ICOS: variants seen among roughly 807,000 people sequenced by gnomAD.
The protein encoded by ICOS is inducible T-cell costimulator.
In ICOS, 15 loss-of-function variants were observed where a neutral mutation model predicts 24.6. The ratio of observed to expected loss-of-function variants is 0.61; its 90% CI spans 0.41 to 0.94. The LOEUF (loss-of-function observed/expected upper bound fraction) is 0.94, where lower values mean the gene tolerates loss of function less well. Ranked by LOEUF, ICOS falls within the 40% of genes least tolerant of loss-of-function variation. The pLI is 0.00. For synonymous variants in ICOS, 89 were observed against 77.5 expected, an observed-to-expected ratio of 1.15 and a Z score of -0.78; for missense variants, 200 against 233.0, an observed-to-expected ratio of 0.86 and a Z score of 0.92.
chr2:203,949,714 G>A (rs1325281757), intron 1 of ICOS, among the ~76,000 whole-genome samples: 1 of 152,162 alleles, frequency 6.6e-6, no homozygotes, highest in Admixed American at 6.5e-5. Context: ...TGAGAAAAAG[G>A]AAGAAAGAAC....
chr2:203,961,539 A>G lies in ICOS; in HGVS notation c.*1940A>G, dbSNP rs1690178826. 3 of 152,284 alleles carry G rather than the reference A, an allele frequency of 2.0e-5. No homozygotes were observed. Among genetic ancestry groups the G allele is most frequent in the Admixed American group, 1.3e-4 (2 of 15,260 alleles). The allele number at this position is 152,284 out of a possible 1,614,324, so 9.4% of individuals were successfully genotyped here. A position where few individuals can be genotyped will look rare whatever the true frequency, so the allele number is the denominator to read the frequency against. On this transcript the variant is annotated 3_prime_UTR_variant, in exon 5 of 5. Coordinates refer to ENST00000316386, the MANE Select transcript of ICOS (RefSeq NM_012092.4). Reference sequence around the variant, plus strand: ...TCAAAGAGATTTTAACAGTAGTAAGAAGGCAAAGAATAAACATTTGATATT... The same window carrying G: ...TCAAAGAGATTTTAACAGTAGTAAGGAGGCAAAGAATAAACATTTGATATT...
intron 1 of ICOS, among the ~76,000 whole-genome samples, chr2:203,951,153 A>T (rs1233940651): frequency 6.6e-6 from 1 of 152,202 alleles, no homozygotes; most frequent in Non-Finnish European, 1.5e-5. Flanking sequence ...CATTCAAGAA[A>T]AATTGAGGCA....
At chr2:203,958,013 G>A (rs933671707) in intron 4 of ICOS, 130 bp downstream of exon 4, 7 of 633,830 alleles carry the variant, frequency 1.1e-5, no homozygotes, top group Admixed American at 2.9e-5. Context: ...AATTTTCTGT[G>A]AAAATCTGGA....
intron 3 of ICOS, among the ~76,000 whole-genome samples, chr2:203,957,071 G>A (rs1178138120): frequency 1.3e-5 from 2 of 152,128 alleles, no homozygotes; most frequent in Non-Finnish European, 2.9e-5. Context: ...CAGGAGGAAG[G>A]TTAAAACATC....
chr2:203,957,379 A>G (rs980954090), intron 3 of ICOS, among the ~76,000 whole-genome samples: 1 of 152,192 alleles, frequency 6.6e-6, no homozygotes, highest in Non-Finnish European at 1.5e-5. Flanking sequence ...GCTGGGGGAT[A>G]TTCTTTTTGG....
At chr2:203,937,892 C>T (rs977658274) in intron 1 of ICOS, among the ~76,000 whole-genome samples, 4 of 152,170 alleles carry the variant, frequency 2.6e-5, no homozygotes, top group Non-Finnish European at 5.9e-5. Flanking sequence ...CAGTTTTGGG[C>T]TACTTGCTGG....
chr2:203,938,275 C>T (rs553762760), intron 1 of ICOS, among the ~76,000 whole-genome samples: 12 of 152,134 alleles, frequency 7.9e-5, no homozygotes, highest in East Asian at 1.9e-4. Flanking sequence ...GGCACTTGAG[C>T]GGAGATTTCA....
At chr2:203,958,360 T>C (rs1319685274) in intron 4 of ICOS, among the ~76,000 whole-genome samples, 1 of 152,068 alleles carries the variant, frequency 6.6e-6, no homozygotes, top group East Asian at 1.9e-4. Context: ...GAAGGAGAAA[T>C]TGATGAAGAT....
intron 1 of ICOS, among the ~76,000 whole-genome samples, chr2:203,949,254 A>G (rs1689926890): frequency 1.3e-5 from 2 of 152,306 alleles, no homozygotes; most frequent in East Asian, 1.9e-4. Context: ...CTGCTCACAG[A>G]TTTTTAGCAC....
chr2:203,955,845 A>AACAGTGTC lies in ICOS; in HGVS notation c.269_276dup (p.Ser93ThrfsTer32). 6.2e-7 allele frequency: 1 copy of AACAGTGTC among 1,613,706 alleles called. No homozygotes were observed. Among genetic ancestry groups the AACAGTGTC allele is most frequent in the East Asian group, 2.2e-5 (1 of 44,876 alleles). On this transcript the variant is annotated frameshift_variant, in exon 2 of 5. Transcript: ENST00000316386. LOFTEE classifies it high-confidence loss of function. ...ATTCTGCCATTCTCAGTTATCCAAC[A>AACAGTGTC]ACAGTGTCTCTTTTTTTCTATACAA...
intron 1 of ICOS, among the ~76,000 whole-genome samples, chr2:203,952,060 G>GA (rs960506132): frequency 1.1e-4 from 17 of 151,874 alleles, no homozygotes; most frequent in South Asian, 2.1e-4. Flanking sequence ...ATAGAAAAGT[G>GA]AAAAAAATGT....
At chr2:203,955,590 C>A in intron 1 of ICOS, 46 bp from the exon 2 acceptor site, 1 of 1,449,248 alleles carries the variant, frequency 6.9e-7, no homozygotes, top group Non-Finnish European at 9.7e-7. Context: ...ATTAGGGCAA[C>A]ATTATAAAAT....
intron 1 of ICOS, among the ~76,000 whole-genome samples, chr2:203,954,688 G>A (rs188231339): frequency 0.014 from 2,090 of 148,768 alleles, 21 homozygotes; most frequent in Non-Finnish European, 0.023. Context: ...CAGTGGATGA[G>A]GTTTGGAGAA....
chr2:203,937,495 A>G (rs1689675765), intron 1 of ICOS, among the ~76,000 whole-genome samples: 1 of 152,186 alleles, frequency 6.6e-6, no homozygotes, highest in African/African-American at 2.4e-5. Context: ...TGAATGGCAT[A>G]TAGCAGACTC....
chr2:203,956,739 A>G lies in ICOS; in HGVS notation c.475A>G (p.Ile159Val). The change falls in exon 3 of 5, where the codon ATA (isoleucine) becomes GTA (valine). Residue 159 changes from isoleucine (I) to valine (V), a missense_variant. Coordinates refer to ENST00000316386, the MANE Select transcript of ICOS (RefSeq NM_012092.4). ...TGTTGTAGTCTGCATTTTGGGATGC[A>G]TACTTATTTGTTGGCTTACAAAAAA... Reference protein sequence around the residue: ...AFVVVCILGCILICWLTKKKY... With the variant: ...AFVVVCILGCVLICWLTKKKY... The G allele has an allele frequency of 6.2e-7, 1 of 1,612,640 alleles. No individual in the cohort carries two copies. Among genetic ancestry groups the G allele is most frequent in the South Asian group, 1.1e-5 (1 of 91,056 alleles).
Position 203,961,537 on chromosome 2 carries a change from A to G in ICOS, c.*1938A>G, listed in dbSNP as rs1479469030. 2.0e-5 allele frequency: 3 copies of G among 152,340 alleles called. No homozygotes were observed. The highest frequency in any genetic ancestry group is 2.0e-4 in the Admixed American group (3 of 15,266). 9.4% of individuals were successfully genotyped at this position (152,340 alleles called of 1,614,324 possible). A position where few individuals can be genotyped will look rare whatever the true frequency, so the allele number is the denominator to read the frequency against. ...TATCAAAGAGATTTTAACAGTAGTA[A>G]GAAGGCAAAGAATAAACATTTGATA... On this transcript the variant is annotated 3_prime_UTR_variant, in exon 5 of 5. Transcript: ENST00000316386.
intron 1 of ICOS, among the ~76,000 whole-genome samples, chr2:203,951,061 C>CAAA (rs533323850): frequency 3.3e-5 from 4 of 119,766 alleles, no homozygotes; most frequent in African/African-American, 9.1e-5. Flanking sequence ...GACTCCATCT[C>CAAA]AAAAAAAAAA....
intron 1 of ICOS, among the ~76,000 whole-genome samples, chr2:203,953,886 C>G (rs188833848): frequency 1.3e-5 from 2 of 151,978 alleles, no homozygotes; most frequent in Admixed American, 6.5e-5. Flanking sequence ...TAGCAGAACA[C>G]AAAATAACAT....
intron 1 of ICOS, among the ~76,000 whole-genome samples, chr2:203,950,530 C>T (rs927822096): frequency 6.6e-6 from 1 of 152,184 alleles, no homozygotes; most frequent in African/African-American, 2.4e-5. Flanking sequence ...GGGGGACAAA[C>T]ATTCAAGCTA....
Sources: allele counts gnomAD v4.1 joint callset (sites outside exome capture counted in the v4.1 genomes callset), GRCh38; gene constraint gnomAD v4.1.1; transcripts MANE v1.5; gene names NCBI Gene and HGNC (gene_info 2026-07-23, HGNC 2026-07-21).